RFC3: variants seen among roughly 807,000 people sequenced by gnomAD.
RFC3 encodes A1 38 kDa subunit.
A neutral mutation model predicts 45.1 loss-of-function variants in RFC3; 41 were observed. That is an observed-to-expected ratio of 0.91 (90% CI 0.71 to 1.18). The LOEUF (loss-of-function observed/expected upper bound fraction) is 1.18. RFC3 is among the 50% of genes most tolerant of loss of function. The pLI, the probability that RFC3 is intolerant of heterozygous loss-of-function variation, is 0.00. For synonymous variants in RFC3, 149 were observed against 144.0 expected (o/e 1.03, Z -0.25); for missense variants, 423 against 428.1 (o/e 0.99, Z 0.10).
At chr13:33,965,834 G>A (rs148069246) in intron 8 of RFC3, among the ~76,000 whole-genome samples, 1 of 152,260 alleles carries the variant, frequency 6.6e-6, no homozygotes, top group Non-Finnish European at 1.5e-5. Flanking sequence ...CTTTGCAGGT[G>A]TCCTTGACAT....
chr13:33,821,838 C>A lies in RFC3; in HGVS notation c.225+569C>A, dbSNP rs75437819. Among the ~76,000 whole-genome samples, 1,403 of 152,302 alleles carry A rather than the reference C, an allele frequency of 9.2e-3. 28 individuals carry two copies. Among genetic ancestry groups the A allele is most frequent in the African/African-American group, 0.032 (1,329 of 41,570 alleles). On this transcript the variant is annotated intron_variant, in intron 2 of 8. Coordinates refer to ENST00000380071, the MANE Select transcript of RFC3 (RefSeq NM_002915.4). ...CTGAAATGTATCCTTCCTTTTCATACCCCATTAGAATTAACTTTTCTTCTA... is the reference window on the plus strand; with the variant it reads ...CTGAAATGTATCCTTCCTTTTCATAACCCATTAGAATTAACTTTTCTTCTA...
chr13:33,955,825 G>C (rs895965720), intron 8 of RFC3, among the ~76,000 whole-genome samples: 1 of 152,156 alleles, frequency 6.6e-6, no homozygotes, highest in Non-Finnish European at 1.5e-5. Flanking sequence ...AGATGTCTCA[G>C]GGGCTTCAGG....
At chr13:33,882,768 TA>T (rs2137602955) in intron 8 of RFC3, among the ~76,000 whole-genome samples, 1 of 152,368 alleles carries the variant, frequency 6.6e-6, no homozygotes, top group South Asian at 2.1e-4. Flanking sequence ...ACTTCTTTTA[TA>T]TTCACACTTT....
intron 8 of RFC3, among the ~76,000 whole-genome samples, chr13:33,882,511 T>C (rs2082491691): frequency 6.6e-6 from 1 of 152,124 alleles, no homozygotes; most frequent in South Asian, 2.1e-4. Context: ...TTAGTGCCCT[T>C]ATAAGAAGAG....
At chr13:33,836,067 A>G in intron 8 of RFC3, 37 bp from the exon 9 acceptor site, 1 of 1,574,720 alleles carries the variant, frequency 6.4e-7, no homozygotes, top group East Asian at 2.3e-5. Context: ...AGCTGTTTTT[A>G]TTAATGATTT....
intron 8 of RFC3, among the ~76,000 whole-genome samples, chr13:33,858,483 A>G (rs1242977376): frequency 2.0e-5 from 3 of 151,976 alleles, no homozygotes; most frequent in Admixed American, 2.0e-4. Flanking sequence ...GTCCCTTCCC[A>G]CTCTTCACTT....
chr13:33,863,872 C>T (rs778481247), intron 8 of RFC3, among the ~76,000 whole-genome samples: 4 of 152,176 alleles, frequency 2.6e-5, no homozygotes, highest in Admixed American at 6.6e-5. Context: ...ACATCTCTCC[C>T]GAGGTTTTTG....
chr13:33,971,425 CA>C (rs1165338533), downstream of RFC3, among the ~76,000 whole-genome samples: 61 of 152,210 alleles, frequency 4.0e-4, no homozygotes, highest in Non-Finnish European at 4.4e-5. Flanking sequence ...GAAATCTGTT[CA>C]TGCAGAAACA....
chr13:33,976,933 G>T, the RFC3 span, among the ~76,000 whole-genome samples: 1 of 152,038 alleles, frequency 6.6e-6, no homozygotes, highest in Non-Finnish European at 1.5e-5. Context: ...CCTCGCCCAG[G>T]TAGTCAAGGT....
intron 8 of RFC3, among the ~76,000 whole-genome samples, chr13:33,930,917 ATCTATCAT>A (rs1169878320): frequency 6.6e-6 from 1 of 151,988 alleles, no homozygotes; most frequent in Non-Finnish European, 1.5e-5. Context: ...ATTTGGTATA[ATCTATCAT>A]TTCTTAATAT....
chr13:33,893,262 C>G (rs1593671585), intron 8 of RFC3, among the ~76,000 whole-genome samples: 1 of 152,070 alleles, frequency 6.6e-6, no homozygotes, highest in Admixed American at 6.5e-5. Context: ...CTTTGGAACC[C>G]CCTCTTGGGA....
At chr13:33,857,330 C>G (rs73477409) in intron 8 of RFC3, among the ~76,000 whole-genome samples, 4,940 of 152,188 alleles carry the variant, frequency 0.032, 258 homozygotes, top group African/African-American at 0.11. Flanking sequence ...TCAGCTCTTC[C>G]TACAGAATGG....
chr13:33,943,367 T>TA (rs2082936216), intron 8 of RFC3, among the ~76,000 whole-genome samples: 2 of 152,206 alleles, frequency 1.3e-5, no homozygotes, highest in Admixed American at 1.3e-4. Context: ...ACCACAAACT[T>TA]ACTGACTTAA....
chr13:33,901,229 A>G (rs2082639882), intron 8 of RFC3, among the ~76,000 whole-genome samples: 2 of 152,072 alleles, frequency 1.3e-5, no homozygotes, highest in Non-Finnish European at 2.9e-5. Context: ...TTTTGAGGAA[A>G]TGTCTGCATT....
At chr13:33,941,579 T>A (rs1285124497) in intron 8 of RFC3, among the ~76,000 whole-genome samples, 1 of 152,202 alleles carries the variant, frequency 6.6e-6, no homozygotes, top group Non-Finnish European at 1.5e-5. Flanking sequence ...ATACTTTTAT[T>A]GTCTTTTAAC....
intron 8 of RFC3, among the ~76,000 whole-genome samples, chr13:33,861,905 A>G (rs1158717748): frequency 6.6e-6 from 1 of 152,216 alleles, no homozygotes; most frequent in Non-Finnish European, 1.5e-5. Context: ...AATTGTTTTT[A>G]TGAGCAATAG....
intron 8 of RFC3, among the ~76,000 whole-genome samples, chr13:33,948,829 T>C (rs1322166921): frequency 6.6e-6 from 1 of 152,238 alleles, no homozygotes; most frequent in African/African-American, 2.4e-5. Context: ...TTCTCCCATT[T>C]GGAATGGGTG....
chr13:33,879,013 C>T (rs1005996988), intron 8 of RFC3, among the ~76,000 whole-genome samples: 4 of 152,108 alleles, frequency 2.6e-5, no homozygotes, highest in Admixed American at 2.0e-4. Flanking sequence ...TTATCATAAT[C>T]TTTTGGTACA....
intron 8 of RFC3, among the ~76,000 whole-genome samples, chr13:33,915,252 G>A (rs559505358): frequency 5.7e-4 from 87 of 152,236 alleles, no homozygotes; most frequent in African/African-American, 2.0e-3. Context: ...TGCTACTGCA[G>A]GAATTATGAT....
Sources: allele counts gnomAD v4.1 joint callset (sites outside exome capture counted in the v4.1 genomes callset), GRCh38; gene constraint gnomAD v4.1.1; transcripts MANE v1.5; gene names NCBI Gene and HGNC (gene_info 2026-07-23, HGNC 2026-07-21).